The following ULK4 variants were observed in gnomAD, a reference collection of about 807,000 sequenced individuals.
ULK4 encodes the protein unc-51 like kinase 4, also known as inactive serine/threonine-protein kinase ULK4.
A neutral mutation model predicts 160.6 loss-of-function variants in ULK4; 133 were observed. That is an observed-to-expected ratio of 0.83 (90% CI 0.72 to 0.96). The LOEUF is 0.96. Ranked by LOEUF, ULK4 falls within the 40% of genes least tolerant of loss-of-function variation. ULK4 has a pLI of 0.00. For missense variants in ULK4, 1,580 were observed against 1,499.5 expected, an observed-to-expected ratio of 1.05 and a Z score of -0.89; for synonymous variants, 534 against 539.8, an observed-to-expected ratio of 0.99 and a Z score of 0.15.
chr3:41,651,914 G>C (rs1482214143), intron 30 of ULK4, among the ~76,000 whole-genome samples: 2 of 152,142 alleles, frequency 1.3e-5, no homozygotes, highest in African/African-American at 4.8e-5. Context: ...TGTGACCAAA[G>C]AGACATCACC....
At chr3:41,572,234 G>T (rs552784435) in intron 31 of ULK4, among the ~76,000 whole-genome samples, 1 of 152,118 alleles carries the variant, frequency 6.6e-6, no homozygotes, top group African/African-American at 2.4e-5. Flanking sequence ...AGGGCAGAGT[G>T]CCAGGGTCAC....
intron 5 of ULK4, among the ~76,000 whole-genome samples, chr3:41,921,393 C>G (rs1699175395): frequency 6.6e-6 from 1 of 151,884 alleles, no homozygotes; most frequent in Non-Finnish European, 1.5e-5. Flanking sequence ...GAGCAGATCA[C>G]AAGGTCAGGA....
At chr3:41,791,037 G>A (rs1211471416) in intron 20 of ULK4, among the ~76,000 whole-genome samples, 2 of 152,124 alleles carry the variant, frequency 1.3e-5, no homozygotes, top group Non-Finnish European at 2.9e-5. Context: ...AAATAATGAT[G>A]TTAAGAGGAG....
At chr3:41,272,179 A>G (rs897999838) in intron 35 of ULK4, among the ~76,000 whole-genome samples, 4 of 152,132 alleles carry the variant, frequency 2.6e-5, no homozygotes, top group Non-Finnish European at 5.9e-5. Context: ...AGCCTCCCAA[A>G]GTGCTGGGAT....
intron 3 of ULK4, among the ~76,000 whole-genome samples, chr3:41,936,623 G>A (rs1030088468): frequency 6.6e-6 from 1 of 152,154 alleles, no homozygotes; most frequent in East Asian, 1.9e-4. Context: ...CAACACAGTT[G>A]GAACTGGAGG....
intron 2 of ULK4, among the ~76,000 whole-genome samples, chr3:41,948,933 GA>G (rs1051129405): frequency 6.9e-4 from 104 of 149,976 alleles, no homozygotes; most frequent in African/African-American, 2.1e-3. Flanking sequence ...AATTACACAA[GA>G]AAAAAAAAGG....
chr3:41,556,125 T>C (rs79975641), intron 32 of ULK4, among the ~76,000 whole-genome samples: 1 of 152,106 alleles, frequency 6.6e-6, no homozygotes, highest in East Asian at 1.9e-4. Flanking sequence ...TAAACCCCCA[T>C]GACACAAGTT....
intron 21 of ULK4, among the ~76,000 whole-genome samples, chr3:41,787,099 T>G (rs116518452): frequency 6.6e-6 from 1 of 152,092 alleles, no homozygotes; most frequent in Non-Finnish European, 1.5e-5. Flanking sequence ...CCAAGCACCA[T>G]GGAAAAACCA....
At chr3:41,257,219 A>C (rs2078851739) in intron 35 of ULK4, among the ~76,000 whole-genome samples, 1 of 152,256 alleles carries the variant, frequency 6.6e-6, no homozygotes, top group African/African-American at 2.4e-5. Context: ...GCTAAAATTC[A>C]TAACACTGAC....
chr3:41,309,477 G>A (rs141888228), intron 35 of ULK4, among the ~76,000 whole-genome samples: 2 of 152,184 alleles, frequency 1.3e-5, no homozygotes, highest in African/African-American at 4.8e-5. Context: ...AACTGAGACT[G>A]CAGGCTCATG....
chr3:41,829,809 G>A (rs2041509571), intron 18 of ULK4, among the ~76,000 whole-genome samples: 1 of 145,620 alleles, frequency 6.9e-6, no homozygotes, highest in South Asian at 2.1e-4. Flanking sequence ...TATAGTCAAA[G>A]GACTATAAAT....
intron 32 of ULK4, among the ~76,000 whole-genome samples, chr3:41,544,342 G>T (rs2086789956): frequency 6.6e-6 from 1 of 152,202 alleles, no homozygotes; most frequent in South Asian, 2.1e-4. Context: ...CCTTAAATCA[G>T]TAAGTCTTCC....
At chr3:41,611,991 A>G (rs1206215760) in intron 31 of ULK4, among the ~76,000 whole-genome samples, 1 of 151,078 alleles carries the variant, frequency 6.6e-6, no homozygotes, top group African/African-American at 2.5e-5. Flanking sequence ...CCAACCAAAG[A>G]TCAAAAATAT....
chr3:41,595,910 T>C (rs904686074), intron 31 of ULK4, among the ~76,000 whole-genome samples: 1 of 151,942 alleles, frequency 6.6e-6, no homozygotes, highest in Non-Finnish European at 1.5e-5. Context: ...ATCAGAGAAA[T>C]GAAGGAATAG....
chr3:41,573,003 T>C (rs2088056581), intron 31 of ULK4, among the ~76,000 whole-genome samples: 1 of 152,066 alleles, frequency 6.6e-6, no homozygotes, highest in African/African-American at 2.4e-5. Flanking sequence ...ACTTTAAGAT[T>C]ATGACGAAAA....
At chr3:41,550,786 C>G (rs2087034235) in intron 32 of ULK4, among the ~76,000 whole-genome samples, 2 of 151,888 alleles carry the variant, frequency 1.3e-5, no homozygotes, top group South Asian at 4.1e-4. Context: ...TCATATGGAC[C>G]TAACATACAT....
chr3:41,305,904 C>T (rs377482106), intron 35 of ULK4, among the ~76,000 whole-genome samples: 20,583 of 144,960 alleles, frequency 0.14, 1,801 homozygotes, highest in African/African-American at 0.23. Context: ...CACCTCTGCC[C>T]GGCTGCGACC....
chr3:41,918,995 T>C (rs969736913), intron 6 of ULK4, among the ~76,000 whole-genome samples: 2 of 152,198 alleles, frequency 1.3e-5, no homozygotes, highest in Non-Finnish European at 2.9e-5. Flanking sequence ...TAATGCCTAG[T>C]ATGTACGAGG....
intron 32 of ULK4, among the ~76,000 whole-genome samples, chr3:41,549,282 T>A (rs2086979636): frequency 8.5e-6 from 1 of 118,090 alleles, no homozygotes; most frequent in Non-Finnish European, 2.0e-5. Context: ...ACAATACAAA[T>A]GAACAAAACA....
Sources: allele counts gnomAD v4.1 joint callset (sites outside exome capture counted in the v4.1 genomes callset), GRCh38; gene constraint gnomAD v4.1.1; transcripts MANE v1.5; gene names NCBI Gene and HGNC (gene_info 2026-07-23, HGNC 2026-07-21).